Variants in CRYL1 observed in about 807,000 individuals in gnomAD.
The protein encoded by CRYL1 is lambda-crystallin homolog.
In CRYL1, 29 loss-of-function variants were observed where a neutral mutation model predicts 36.6. The ratio of observed to expected loss-of-function variants is 0.79; its 90% CI spans 0.59 to 1.08. CRYL1 has a LOEUF of 1.08. Ranked by LOEUF, CRYL1 falls within the 50% of genes least tolerant of loss-of-function variation. The pLI is 0.00. For missense variants in CRYL1, 411 were observed against 407.9 expected, an observed-to-expected ratio of 1.01 and a Z score of -0.06; for synonymous variants, 152 against 151.5, an observed-to-expected ratio of 1.00 and a Z score of -0.02.
chr13:20,521,326 G>C (rs911471288), intron 1 of CRYL1, among the ~76,000 whole-genome samples: 1 of 152,138 alleles, frequency 6.6e-6, no homozygotes, highest in Non-Finnish European at 1.5e-5. Flanking sequence ...AGTACAAGGA[G>C]AGGGAATCTA....
rs544047374 is a variant in CRYL1 at position 20,413,269 on chromosome 13, C to T, written c.739+13G>A. 6.4e-6 allele frequency: 10 copies of T among 1,550,692 alleles called. No individual in the cohort carries two copies. In the African/African-American group the frequency reaches 1.2e-4, roughly 19 times the overall value. On this transcript the variant is annotated intron_variant, in intron 6 of 7. Transcript: ENST00000298248. ...AATAGAATGGAATTCCCATCCTGGC[C>T]CCAGATGCATACCTTCTGCATTGAG...
intron 1 of CRYL1, among the ~76,000 whole-genome samples, chr13:20,514,352 G>C (rs1005822971): frequency 1.3e-5 from 2 of 152,204 alleles, no homozygotes; most frequent in African/African-American, 4.8e-5. Flanking sequence ...TATCCCTGTG[G>C]TCTTCCTCCC....
At chr13:20,505,246 A>G (rs1242692626) in intron 2 of CRYL1, among the ~76,000 whole-genome samples, 1 of 151,766 alleles carries the variant, frequency 6.6e-6, no homozygotes, top group African/African-American at 2.4e-5. Context: ...AGTCCCAGCT[A>G]CTCGGGAGGC....
chr13:20,424,447 C>T (rs1010072369), intron 5 of CRYL1, among the ~76,000 whole-genome samples: 1 of 152,226 alleles, frequency 6.6e-6, no homozygotes, highest in African/African-American at 2.4e-5. Flanking sequence ...CTCCAGTACC[C>T]TCTGGTAAGG....
At chr13:20,440,799 C>T (rs942175682) in intron 3 of CRYL1, among the ~76,000 whole-genome samples, 4 of 152,190 alleles carry the variant, frequency 2.6e-5, no homozygotes, top group Admixed American at 6.5e-5. Flanking sequence ...TCCAAAACTA[C>T]ATTAATCGGG....
chr13:20,465,779 T>G (rs975967868), intron 3 of CRYL1, among the ~76,000 whole-genome samples: 1 of 152,168 alleles, frequency 6.6e-6, no homozygotes, highest in African/African-American at 2.4e-5. Flanking sequence ...TGTTTGGATA[T>G]TTGATCCTCC....
intron 1 of CRYL1, among the ~76,000 whole-genome samples, chr13:20,518,825 G>C (rs1593505426): frequency 6.6e-6 from 1 of 152,166 alleles, no homozygotes; most frequent in East Asian, 1.9e-4. Flanking sequence ...GTACAGCCAA[G>C]AAGAATTGCT....
intron 2 of CRYL1, among the ~76,000 whole-genome samples, chr13:20,493,860 C>A (rs2033559581): frequency 6.6e-6 from 1 of 152,166 alleles, no homozygotes; most frequent in Non-Finnish European, 1.5e-5. Flanking sequence ...GAGCCACTGG[C>A]TGACTATCAG....
Position 20,443,326 on chromosome 13 carries a change from GA to G in CRYL1, c.277-3573del, listed in dbSNP as rs1010443031. 1.7e-3 allele frequency among the ~76,000 whole-genome samples: 261 copies of G among 151,372 alleles called. 1 individual carries two copies. Among genetic ancestry groups the G allele is most frequent in the African/African-American group, 5.9e-3 (243 of 41,308 alleles). On this transcript the variant is annotated intron_variant, in intron 3 of 7. Coordinates refer to ENST00000298248, the MANE Select transcript of CRYL1 (RefSeq NM_015974.3). ...TTTCCAAAACATACATTTTCATGGT[GA>G]AAAAAAAATTCTGTCAAGTTTGTTA...
intron 3 of CRYL1, among the ~76,000 whole-genome samples, chr13:20,466,597 G>T (rs1593464110): frequency 6.6e-6 from 1 of 152,002 alleles, no homozygotes; most frequent in Non-Finnish European, 1.5e-5. Flanking sequence ...AGTTATCATT[G>T]CATACATATC....
At chr13:20,516,548 C>T (rs950528595) in intron 1 of CRYL1, among the ~76,000 whole-genome samples, 3 of 151,706 alleles carry the variant, frequency 2.0e-5, no homozygotes, top group Non-Finnish European at 4.4e-5. Flanking sequence ...GGGGGTATCT[C>T]GGCTCACTGC....
chr13:20,425,581 C>A lies in CRYL1; in HGVS notation c.633+6521G>T, dbSNP rs192602140. Among the ~76,000 whole-genome samples the A allele has an allele frequency of 2.0e-5, 3 of 152,264 alleles. No individual in the cohort carries two copies. The highest frequency in any genetic ancestry group is 4.1e-4 in the South Asian group (2 of 4,824). ...TCATGCAGAGGTGGAGAACTAGACC[C>A]ATATGAATGTTGGTTGATAAGAGGA... is the stretch of plus-strand genomic sequence containing the variant. On this transcript the variant is annotated intron_variant, in intron 5 of 7. Coordinates refer to ENST00000298248, the MANE Select transcript of CRYL1 (RefSeq NM_015974.3). The surrounding 1 kb of genome is among the most constrained non-coding windows in gnomAD (Gnocchi z 4.4).
At chr13:20,406,213 T>C (rs1441984774) in intron 6 of CRYL1, 1 of 152,136 alleles carries the variant, frequency 6.6e-6, no homozygotes, top group African/African-American at 2.4e-5. Flanking sequence ...ACAAAAACCG[T>C]GGATGATTAA....
intron 3 of CRYL1, among the ~76,000 whole-genome samples, chr13:20,485,910 A>G (rs992476006): frequency 8.1e-6 from 1 of 123,658 alleles, no homozygotes; most frequent in African/African-American, 3.5e-5. Context: ...AGGTCTCATA[A>G]TATTTTGTTT....
chr13:20,430,806 G>C (rs1285695930), intron 5 of CRYL1: 2 of 985,252 alleles, frequency 2.0e-6, no homozygotes, highest in Admixed American at 1.2e-4. Context: ...CATGGGCAAG[G>C]AGTCTAAAGT....
intron 6 of CRYL1, among the ~76,000 whole-genome samples, chr13:20,406,729 G>T (rs914333280): frequency 6.6e-6 from 1 of 151,768 alleles, no homozygotes; most frequent in Non-Finnish European, 1.5e-5. Context: ...TCCTTTTGGG[G>T]TGGGGGAGGG....
rs577371174 is a variant in CRYL1, at chr13:20,468,289, T to A, written c.276+21081A>T. Among the ~76,000 whole-genome samples, 4 of 152,304 alleles carry A rather than the reference T, an allele frequency of 2.6e-5. No homozygotes were observed. In the Middle Eastern group the frequency reaches 0.01, roughly 389 times the overall value. On this transcript the variant is annotated intron_variant, in intron 3 of 7. Transcript: ENST00000298248. Reference sequence around the variant, plus strand: ...ACTCAGCTATCTCTTCTAAACTTACTTTTTATTTTAGTTTATTTTTAGAGA... The same window carrying A: ...ACTCAGCTATCTCTTCTAAACTTACATTTTATTTTAGTTTATTTTTAGAGA...
chr13:20,422,440 G>T (rs560489152), intron 5 of CRYL1, among the ~76,000 whole-genome samples: 21 of 151,498 alleles, frequency 1.4e-4, no homozygotes, highest in Non-Finnish European at 2.9e-4. Context: ...TCCAGTTGCT[G>T]TGGCAGTTGA....
intron 3 of CRYL1, among the ~76,000 whole-genome samples, chr13:20,453,423 T>C (rs1205818077): frequency 1.5e-5 from 2 of 136,298 alleles, no homozygotes; most frequent in Non-Finnish European, 2.9e-5. Context: ...TATTCTAATA[T>C]ATTTGAATAT....
Sources: gnomAD v4.1 joint callset for allele counts (sites outside exome capture counted in the v4.1 genomes callset) on GRCh38, gnomAD v4.1.1 for gene constraint, Gnocchi (gnomAD v3.1) non-coding constraint, MANE v1.5 for transcripts, NCBI Gene and HGNC (gene_info 2026-07-23, HGNC 2026-07-21) for gene names.